The following CPQ variants were observed in gnomAD, a reference collection of about 807,000 sequenced individuals.
The protein encoded by CPQ is carboxypeptidase Q, also known as Ser-Met dipeptidase.
CPQ carries 37 observed loss-of-function variants against 45.7 expected under a neutral mutation model. The ratio of observed to expected loss-of-function variants is 0.81; its 90% CI spans 0.62 to 1.07. The LOEUF (loss-of-function observed/expected upper bound fraction) is 1.07, where lower values mean the gene tolerates loss of function less well. Among genes scored for constraint, CPQ ranks in the 50% least tolerant of loss-of-function variants. The pLI is 0.00. For missense variants in CPQ, 537 were observed against 572.9 expected (o/e 0.94, Z 0.64); for synonymous variants, 186 against 205.8 (o/e 0.90, Z 0.82).
At chr8:96,869,458 A>C (rs1221609265) in intron 3 of CPQ, among the ~76,000 whole-genome samples, 2 of 152,094 alleles carry the variant, frequency 1.3e-5, no homozygotes, top group East Asian at 3.9e-4. Flanking sequence ...GCATGGATGT[A>C]ATATTGTTCA....
chr8:96,659,063 A>T (rs1448991453), intron 1 of CPQ, among the ~76,000 whole-genome samples: 1 of 152,244 alleles, frequency 6.6e-6, no homozygotes, highest in Non-Finnish European at 1.5e-5. Flanking sequence ...TAAACCTTTA[A>T]GATAGACCTG....
At chr8:96,898,865 G>C (rs1708221382) in intron 4 of CPQ, among the ~76,000 whole-genome samples, 1 of 151,558 alleles carries the variant, frequency 6.6e-6, no homozygotes, top group East Asian at 1.9e-4. Context: ...GAGTAAAAAG[G>C]GTGGTAGTCT....
intron 7 of CPQ, among the ~76,000 whole-genome samples, chr8:97,124,610 C>A (rs1811814178): frequency 6.6e-6 from 1 of 152,036 alleles, no homozygotes; most frequent in African/African-American, 2.4e-5. Context: ...GGTAAGAAGT[C>A]AAAAGCATTA....
chr8:97,122,571 A>G (rs542407824), intron 7 of CPQ, among the ~76,000 whole-genome samples: 3 of 152,258 alleles, frequency 2.0e-5, no homozygotes, highest in Admixed American at 6.5e-5. Flanking sequence ...GATTTGCACA[A>G]AAGAGAAAAG....
intron 6 of CPQ, among the ~76,000 whole-genome samples, chr8:97,059,057 G>A (rs187569699): frequency 3.9e-5 from 6 of 152,060 alleles, no homozygotes; most frequent in African/African-American, 9.7e-5. Flanking sequence ...TGCAGGGTTC[G>A]TGTGTTTTTG....
intron 4 of CPQ, among the ~76,000 whole-genome samples, chr8:96,914,706 T>G (rs568121607): frequency 6.7e-4 from 102 of 152,092 alleles, no homozygotes; most frequent in Non-Finnish European, 1.3e-3. Flanking sequence ...CTAGGCTAAT[T>G]TCAAACCCAG....
chr8:96,692,946 A>T (rs1331155815), intron 1 of CPQ, among the ~76,000 whole-genome samples: 1 of 152,122 alleles, frequency 6.6e-6, no homozygotes, highest in African/African-American at 2.4e-5. Context: ...AAATTCATTG[A>T]TAAGGAATTC....
intron 7 of CPQ, among the ~76,000 whole-genome samples, chr8:97,108,592 A>G (rs1396009542): frequency 3.9e-5 from 6 of 152,216 alleles, no homozygotes; most frequent in Non-Finnish European, 1.5e-5. Context: ...TGAATAGTCA[A>G]GTGATTCAGC....
At chr8:96,844,702 G>A (rs1311669435) in intron 3 of CPQ, among the ~76,000 whole-genome samples, 1 of 152,140 alleles carries the variant, frequency 6.6e-6, no homozygotes, top group African/African-American at 2.4e-5. Context: ...ATAGTGATGG[G>A]ACTAAGCTAG....
intron 2 of CPQ, among the ~76,000 whole-genome samples, chr8:96,822,130 C>T (rs561882944): frequency 2.6e-5 from 4 of 152,102 alleles, no homozygotes; most frequent in African/African-American, 7.2e-5. Context: ...CTAGATTCCA[C>T]GTATAAGTAA....
intron 4 of CPQ, among the ~76,000 whole-genome samples, chr8:96,882,639 A>G (rs990921008): frequency 3.9e-5 from 6 of 152,152 alleles, no homozygotes; most frequent in Non-Finnish European, 8.8e-5. Flanking sequence ...GTATTTAGGC[A>G]GAGGAGTTCT....
At chr8:96,699,069 T>C (rs1271648663) in intron 1 of CPQ, among the ~76,000 whole-genome samples, 1 of 152,104 alleles carries the variant, frequency 6.6e-6, no homozygotes, top group Non-Finnish European at 1.5e-5. Context: ...TAAGCAATAT[T>C]TGGGAGCAAA....
chr8:97,041,051 T>A (rs1695039345), intron 6 of CPQ, among the ~76,000 whole-genome samples: 1 of 152,352 alleles, frequency 6.6e-6, no homozygotes, highest in South Asian at 2.1e-4. Flanking sequence ...GGGGATGGCA[T>A]TGAATCTATA....
At chr8:96,974,010 C>T (rs1242498179) in intron 5 of CPQ, among the ~76,000 whole-genome samples, 1 of 152,094 alleles carries the variant, frequency 6.6e-6, no homozygotes, top group East Asian at 1.9e-4. Flanking sequence ...AAAATAGTAC[C>T]TCACATGTCA....
At chr8:97,045,524 A>G (rs1252788381) in intron 6 of CPQ, among the ~76,000 whole-genome samples, 1 of 152,154 alleles carries the variant, frequency 6.6e-6, no homozygotes. Context: ...GGCACTCCCT[A>G]GTGAGATGAA....
intron 1 of CPQ, among the ~76,000 whole-genome samples, chr8:96,704,889 C>T (rs1198435179): frequency 2.0e-5 from 3 of 152,044 alleles, no homozygotes; most frequent in African/African-American, 7.2e-5. Flanking sequence ...ATTAAGTAGA[C>T]AATTGGCTAT....
chr8:96,699,432 G>T (rs886223469), intron 1 of CPQ, among the ~76,000 whole-genome samples: 4 of 151,736 alleles, frequency 2.6e-5, no homozygotes, highest in Admixed American at 6.6e-5. Context: ...CGTACAACAG[G>T]GTGACTATAG....
At chr8:96,926,624 T>C (rs570013837) in intron 4 of CPQ, among the ~76,000 whole-genome samples, 6 of 123,074 alleles carry the variant, frequency 4.9e-5, no homozygotes, top group African/African-American at 1.9e-4. Flanking sequence ...CTTCTTCTTC[T>C]CCTCCTTCTC....
intron 3 of CPQ, among the ~76,000 whole-genome samples, chr8:96,840,891 T>C (rs1450782815): frequency 2.6e-5 from 4 of 152,164 alleles, no homozygotes; most frequent in Non-Finnish European, 2.9e-5. Context: ...CAATAAGGAT[T>C]TGTGGTTTTA....
Sources: gnomAD v4.1 joint callset for allele counts (sites outside exome capture counted in the v4.1 genomes callset) on GRCh38, gnomAD v4.1.1 for gene constraint, MANE v1.5 for transcripts, NCBI Gene and HGNC (gene_info 2026-07-23, HGNC 2026-07-21) for gene names.